The following MED28 variants were observed in gnomAD, a reference collection of about 807,000 sequenced individuals.
MED28 encodes mediator complex subunit 28, also known as mediator of RNA polymerase II transcription subunit 28.
In MED28, 26 loss-of-function variants were observed where a neutral mutation model predicts 21.3. The ratio of observed to expected loss-of-function variants is 1.22; its 90% CI spans 0.89 to 1.69. The LOEUF is 1.69. MED28 is among the 40% of genes most tolerant of loss of function. The pLI is 0.00. For missense variants in MED28, 257 were observed against 215.4 expected (o/e 1.19, Z -1.21); for synonymous variants, 110 against 87.6 (o/e 1.26, Z -1.43).
intron 1 of MED28, among the ~76,000 whole-genome samples, chr4:17,617,861 C>T (rs534522374): frequency 2.0e-5 from 3 of 151,980 alleles, no homozygotes; most frequent in East Asian, 1.9e-4. Context: ...GAGCCAAGAT[C>T]GTGCCACTGA....
rs1171205923 is a variant in MED28 at position 17,626,630 on chromosome 4, T to A, written c.*2832T>A. 2 of 152,170 alleles carry A rather than the reference T, an allele frequency of 1.3e-5. No homozygotes were observed. The highest frequency in any genetic ancestry group is 3.9e-4 in the East Asian group (2 of 5,174). The allele number at this position is 152,170 out of a possible 1,614,324, so 9.4% of individuals were successfully genotyped here. Reference sequence around the variant, plus strand: ...CAGGCTCCAAGATGCAGATTGCCTGTGGGCTATCTCTCTCCACAGATAAAC... The same window carrying A: ...CAGGCTCCAAGATGCAGATTGCCTGAGGGCTATCTCTCTCCACAGATAAAC... On this transcript the variant is annotated 3_prime_UTR_variant, in exon 4 of 4. Transcript: ENST00000237380.
rs1300969183 is a variant in MED28, at chr4:17,625,448, G to A, written c.*1650G>A. The stretch of plus-strand genomic sequence containing the variant: ...TGGTAATTAGAAACTCTGATTGGCA[G>A]CTTTGTATTTCTTGACTAAAAACCT... On this transcript the variant is annotated 3_prime_UTR_variant, in exon 4 of 4. Coordinates refer to ENST00000237380, the MANE Select transcript of MED28 (RefSeq NM_025205.5). 4.0e-6 allele frequency: 1 copy of A among 251,196 alleles called. No individual in the cohort carries two copies. The highest frequency in any genetic ancestry group is 1.4e-4 in the East Asian group (1 of 6,990). 15.6% of individuals were successfully genotyped at this position (251,196 alleles called of 1,614,324 possible). A position where few individuals can be genotyped will look rare whatever the true frequency, so the allele number is the denominator to read the frequency against.
rs1444763782 is a variant in MED28, at chr4:17,623,642, A to C, written c.381A>C (p.Ala127=). The C allele has an allele frequency of 3.7e-6, 6 of 1,614,214 alleles. No individual in the cohort carries two copies. Among genetic ancestry groups the C allele is most frequent in the Non-Finnish European group, 5.1e-6 (6 of 1,180,042 alleles). The change falls in exon 4 of 4, where the codon GCA becomes GCC. Residue 127 remains alanine, a synonymous_variant. Coordinates refer to ENST00000237380, the MANE Select transcript of MED28 (RefSeq NM_025205.5). ...ELRNELQRKD[A]LVQKHLTKLR... is the part of the protein sequence containing the mutation. ...GGAATGAATTACAGCGGAAAGATGCACTAGTCCAGAAGCACTTGACAAAGC... is the reference window on the plus strand; with the variant it reads ...GGAATGAATTACAGCGGAAAGATGCCCTAGTCCAGAAGCACTTGACAAAGC...
chr4:17,623,350 G>A lies in MED28; in HGVS notation c.340-251G>A, dbSNP rs1011190700. Among the ~76,000 whole-genome samples the A allele has an allele frequency of 4.9e-5, 7 of 141,664 alleles. No homozygotes were observed. The South Asian group carries it at 6.5e-4, about 13-fold the overall frequency. 92.9% of individuals were successfully genotyped at this position (141,664 alleles called of 152,430 possible). ...CGGGAGGTGGAGGCTGCACTGAGCC[G>A]AGACCGCACCACTGCACTCTAGCCT... On this transcript the variant is annotated intron_variant, in intron 3 of 3. Coordinates refer to ENST00000237380, the MANE Select transcript of MED28 (RefSeq NM_025205.5).
At chr4:17,620,622 C>CACGCTT in intron 2 of MED28, among the ~76,000 whole-genome samples, 1 of 152,046 alleles carries the variant, frequency 6.6e-6, no homozygotes, top group Non-Finnish European at 1.5e-5. Context: ...CGTGAGCCAC[C>CACGCTT]GTGCCCGGCC....
At chr4:17,615,629 G>A (rs890901340) in intron 1 of MED28, among the ~76,000 whole-genome samples, 1 of 152,114 alleles carries the variant, frequency 6.6e-6, no homozygotes, top group African/African-American at 2.4e-5. Flanking sequence ...GACCAACATG[G>A]TGAAACCCTG....
rs1314008723 is a variant in MED28 at position 17,625,329 on chromosome 4, C to G, written c.*1531C>G. ...CATGGATCTCTGATTACCAGCCTGA[C>G]ATCAACAAATCCCCTCAGTTACAAC... On this transcript the variant is annotated 3_prime_UTR_variant, in exon 4 of 4. Coordinates refer to ENST00000237380, the MANE Select transcript of MED28 (RefSeq NM_025205.5). The G allele has an allele frequency of 1.1e-5, 2 of 177,790 alleles. No homozygotes were observed. The highest frequency in any genetic ancestry group is 6.2e-5 in the Admixed American group (1 of 16,062). 11.0% of individuals were successfully genotyped at this position (177,790 alleles called of 1,614,324 possible).
intron 1 of MED28, among the ~76,000 whole-genome samples, chr4:17,618,899 T>C (rs1363308041): frequency 1.3e-5 from 2 of 152,226 alleles, no homozygotes; most frequent in African/African-American, 4.8e-5. Flanking sequence ...ATTTACTTTC[T>C]CTGTAAATCA....
In MED28 at chr4:17,631,349, A is replaced by AGAT. The variant is rs1714934690; in HGVS notation, c.*7553_*7555dup. On this transcript the variant is annotated 3_prime_UTR_variant, in exon 4 of 4. Transcript: ENST00000237380. The stretch of plus-strand genomic sequence containing the variant: ...CTTTGGGCTAATTATTTTTTTGTAG[A>AGAT]GATGGAGGTCTCGCTGTGTTGCCCA... 6.6e-6 allele frequency: 1 copy of AGAT among 151,836 alleles called. No homozygotes were observed. The highest frequency in any genetic ancestry group is 2.4e-5 in the African/African-American group (1 of 41,260). 9.4% of individuals were successfully genotyped at this position (151,836 alleles called of 1,614,324 possible).
chr4:17,620,129 A>G (rs1012425595), intron 2 of MED28, 162 bp downstream of exon 2: 5 of 650,676 alleles, frequency 7.7e-6, no homozygotes, highest in African/African-American at 7.3e-5. Flanking sequence ...TTTTTGGTTC[A>G]GTTTATTAAT....
intron 2 of MED28, among the ~76,000 whole-genome samples, chr4:17,620,692 C>CTTTTTTT (rs146604205): frequency 2.8e-4 from 30 of 108,850 alleles, no homozygotes; most frequent in East Asian, 1.1e-3. Context: ...TGCATTGTCT[C>CTTTTTTT]TTTTTTTTTT....
chr4:17,616,148 G>A (rs1393620141), intron 1 of MED28, among the ~76,000 whole-genome samples: 2 of 152,092 alleles, frequency 1.3e-5, no homozygotes, highest in African/African-American at 4.8e-5. Flanking sequence ...GTAGAGACAG[G>A]GCTTCACTAT....
chr4:17,629,960 TAAA>T lies in MED28; in HGVS notation c.*6166_*6168del, dbSNP rs1210516167. 7.9e-5 allele frequency: 12 copies of T among 152,130 alleles called. No individual in the cohort carries two copies. Among genetic ancestry groups the T allele is most frequent in the Non-Finnish European group, 4.4e-5 (3 of 68,020 alleles). The allele number at this position is 152,130 out of a possible 1,614,324, so 9.4% of individuals were successfully genotyped here. On this transcript the variant is annotated 3_prime_UTR_variant, in exon 4 of 4. Coordinates refer to ENST00000237380, the MANE Select transcript of MED28 (RefSeq NM_025205.5). Reference sequence around the variant, plus strand: ...CAATACCCAAGGCATATGGCCTCAATAAAAAATTATGGAAGCATGCAAAGATTT... The same window carrying T: ...CAATACCCAAGGCATATGGCCTCAATAAATTATGGAAGCATGCAAAGATTT...
At chr4:17,620,530 G>C (rs1026831865) in intron 2 of MED28, among the ~76,000 whole-genome samples, 12 of 151,932 alleles carry the variant, frequency 7.9e-5, no homozygotes, top group African/African-American at 2.9e-4. Flanking sequence ...ACGGGGTTTC[G>C]CCATGTTGGC....
chr4:17,615,594 G>A (rs564087310), intron 1 of MED28, among the ~76,000 whole-genome samples: 1 of 152,230 alleles, frequency 6.6e-6, no homozygotes, highest in South Asian at 2.1e-4. Flanking sequence ...GGCGGATCAT[G>A]AGGTCAGGAG....
chr4:17,616,834 G>A (rs1409251757), intron 1 of MED28, among the ~76,000 whole-genome samples: 4 of 152,186 alleles, frequency 2.6e-5, no homozygotes, highest in Admixed American at 1.3e-4. Flanking sequence ...GAAGGAATCT[G>A]TAGTGTGGAG....
intron 1 of MED28, among the ~76,000 whole-genome samples, chr4:17,617,220 A>G (rs958609892): frequency 6.6e-6 from 1 of 152,190 alleles, no homozygotes. Context: ...TCACGATTCA[A>G]TTCAAAGGCC....
chr4:17,616,088 G>T (rs1427607304), intron 1 of MED28, among the ~76,000 whole-genome samples: 1 of 152,066 alleles, frequency 6.6e-6, no homozygotes, highest in Non-Finnish European at 1.5e-5. Flanking sequence ...AGCCTCCCGA[G>T]TTGCTGGGAT....
rs535376528 is a variant in MED28, at chr4:17,620,666, C to T, written c.226+699C>T. On this transcript the variant is annotated intron_variant, in intron 2 of 3. Coordinates refer to ENST00000237380, the MANE Select transcript of MED28 (RefSeq NM_025205.5). ...GCCATTTTAACTGTAAATTATGATG[C>T]TGATTGCTGGATCTCTGCATTGTCT... 2.0e-5 allele frequency among the ~76,000 whole-genome samples: 3 copies of T among 147,410 alleles called. No homozygotes were observed. In the East Asian group the frequency reaches 6.1e-4, roughly 30 times the overall value.
Sources: allele counts gnomAD v4.1 joint callset (sites outside exome capture counted in the v4.1 genomes callset), GRCh38; gene constraint gnomAD v4.1.1; transcripts MANE v1.5; gene names NCBI Gene and HGNC (gene_info 2026-07-23, HGNC 2026-07-21).